MPPED2: variants seen among roughly 807,000 people sequenced by gnomAD.
MPPED2 encodes the protein metallophosphoesterase domain containing 2.
A neutral mutation model predicts 33.0 loss-of-function variants in MPPED2; 5 were observed. That is an observed-to-expected ratio of 0.15 (90% CI 0.08 to 0.32). The LOEUF (loss-of-function observed/expected upper bound fraction) is 0.32. Among genes scored for constraint, MPPED2 ranks in the 10% least tolerant of loss-of-function variants. The pLI, the probability that MPPED2 is intolerant of heterozygous loss-of-function variation, is 1.00. For synonymous variants in MPPED2, 136 were observed against 141.9 expected (o/e 0.96, Z 0.29); for missense variants, 275 against 372.1 (o/e 0.74, Z 2.15).
At chr11:30,401,334 T>C (rs549650399) in intron 6 of MPPED2, among the ~76,000 whole-genome samples, 2 of 152,328 alleles carry the variant, frequency 1.3e-5, no homozygotes, top group South Asian at 4.1e-4. Context: ...GGCCTAACTC[T>C]GGACTGAATC....
chr11:30,544,819 G>GT (rs1483731733), intron 2 of MPPED2, among the ~76,000 whole-genome samples: 1 of 152,220 alleles, frequency 6.6e-6, no homozygotes, highest in Non-Finnish European at 1.5e-5. Context: ...ACACAAGGTA[G>GT]TATGTCGATT....
At chr11:30,511,730 A>C (rs1184758218) in intron 3 of MPPED2, among the ~76,000 whole-genome samples, 1 of 152,232 alleles carries the variant, frequency 6.6e-6, no homozygotes, top group Non-Finnish European at 1.5e-5. Flanking sequence ...AATCATCTAT[A>C]GTTGATTAGC....
intron 4 of MPPED2, among the ~76,000 whole-genome samples, chr11:30,492,749 A>T (rs1952040553): frequency 6.6e-6 from 1 of 152,148 alleles, no homozygotes; most frequent in South Asian, 2.1e-4. Flanking sequence ...TCTGAGGATT[A>T]TAACCACCAA....
At chr11:30,392,014 T>C (rs1015312537) in intron 6 of MPPED2, among the ~76,000 whole-genome samples, 4 of 152,236 alleles carry the variant, frequency 2.6e-5, no homozygotes, top group Admixed American at 6.5e-5. Flanking sequence ...GTAGTACATA[T>C]AACTACTTCA....
intron 2 of MPPED2, among the ~76,000 whole-genome samples, chr11:30,540,700 C>T (rs931655630): frequency 2.0e-5 from 3 of 152,078 alleles, no homozygotes; most frequent in African/African-American, 4.8e-5. Flanking sequence ...ATACTGGGAG[C>T]GGAATCCATG....
intron 3 of MPPED2, among the ~76,000 whole-genome samples, chr11:30,513,882 T>G (rs1324486653): frequency 6.6e-6 from 1 of 151,096 alleles, no homozygotes; most frequent in African/African-American, 2.5e-5. Context: ...GCATGATATT[T>G]TAAAATGCTA....
chr11:30,564,123 C>A (rs528532763), intron 2 of MPPED2, among the ~76,000 whole-genome samples: 1 of 152,296 alleles, frequency 6.6e-6, no homozygotes, highest in Non-Finnish European at 1.5e-5. Context: ...ATGTTTATCT[C>A]TGTGAGTCAC....
intron 4 of MPPED2, among the ~76,000 whole-genome samples, chr11:30,426,685 T>C (rs1356251252): frequency 6.6e-6 from 1 of 152,238 alleles, no homozygotes; most frequent in South Asian, 2.1e-4. Context: ...TAGGTAGCAG[T>C]GCCCTGGACA....
intron 2 of MPPED2, among the ~76,000 whole-genome samples, chr11:30,547,891 A>G (rs990606843): frequency 2.0e-5 from 3 of 152,214 alleles, no homozygotes; most frequent in Non-Finnish European, 2.9e-5. Flanking sequence ...CATTTTTACT[A>G]TCTTGAACCT....
At chr11:30,564,862 A>G (rs780044644) in intron 2 of MPPED2, among the ~76,000 whole-genome samples, 5 of 152,148 alleles carry the variant, frequency 3.3e-5, no homozygotes, top group Admixed American at 6.6e-5. Flanking sequence ...ATGCCCCCCA[A>G]TCTGACTCCA....
At chr11:30,387,853 G>A (rs1007370405) in exon 7 of MPPED2, 2 of 152,248 alleles carry the variant, frequency 1.3e-5, no homozygotes, top group Admixed American at 6.5e-5. Flanking sequence ...CCCAGACCTG[G>A]CCCTTTTAGA....
intron 2 of MPPED2, among the ~76,000 whole-genome samples, chr11:30,542,755 T>C (rs1302908375): frequency 2.0e-5 from 3 of 152,234 alleles, no homozygotes; most frequent in African/African-American, 7.2e-5. Flanking sequence ...TGGAAAACAC[T>C]GATCTGGTTT....
chr11:30,410,363 T>C lies in MPPED2; in HGVS notation c.*1105A>G, dbSNP rs952513222. The C allele has an allele frequency of 3.0e-6, 3 of 985,624 alleles. No homozygotes were observed. The highest frequency in any genetic ancestry group is 1.7e-5 in the African/African-American group (1 of 57,212). 61.1% of individuals were successfully genotyped at this position (985,624 alleles called of 1,614,324 possible). ...GAATAAAGCTCAACAGCATTTACAA[T>C]GGGAAAACAGAAATGACTATTAGCG... On this transcript the variant is annotated 3_prime_UTR_variant, in exon 7 of 7. Coordinates refer to ENST00000358117, the MANE Select transcript of MPPED2 (RefSeq NM_001584.3).
intron 6 of MPPED2, among the ~76,000 whole-genome samples, chr11:30,391,412 G>C (rs1354120818): frequency 6.6e-6 from 1 of 152,150 alleles, no homozygotes; most frequent in Non-Finnish European, 1.5e-5. Context: ...AACGTTATCA[G>C]TTGGTGGGGC....
intron 4 of MPPED2, among the ~76,000 whole-genome samples, chr11:30,440,601 A>G (rs1313125423): frequency 1.3e-5 from 2 of 152,244 alleles, no homozygotes; most frequent in Non-Finnish European, 2.9e-5. Flanking sequence ...GAGAAGCTCA[A>G]TGAGGTTAAC....
intron 6 of MPPED2, among the ~76,000 whole-genome samples, chr11:30,398,599 T>C (rs1410977775): frequency 6.6e-6 from 1 of 152,196 alleles, no homozygotes; most frequent in Non-Finnish European, 1.5e-5. Context: ...TTTCCCTCTC[T>C]GGGCTTCTTG....
At chr11:30,572,071 T>C (rs1457690069) in intron 2 of MPPED2, among the ~76,000 whole-genome samples, 1 of 152,196 alleles carries the variant, frequency 6.6e-6, no homozygotes, top group Admixed American at 6.5e-5. Flanking sequence ...ATGCTTTCTC[T>C]ATGAGTCGTT....
At chr11:30,474,274 A>C (rs2134079539) in intron 4 of MPPED2, among the ~76,000 whole-genome samples, 1 of 152,294 alleles carries the variant, frequency 6.6e-6, no homozygotes, top group East Asian at 1.9e-4. Flanking sequence ...CCTTGGAAAA[A>C]GAGGTTGGAA....
At chr11:30,409,902 C>A (rs1227446895), downstream of MPPED2, among the ~76,000 whole-genome samples, 6 of 152,110 alleles carry the variant, frequency 3.9e-5, no homozygotes, top group African/African-American at 1.2e-4. Context: ...TTTCCCCAAA[C>A]TCACTATCAC....
Sources: gnomAD v4.1 joint callset for allele counts (sites outside exome capture counted in the v4.1 genomes callset) on GRCh38, gnomAD v4.1.1 for gene constraint, MANE v1.5 for transcripts, NCBI Gene and HGNC (gene_info 2026-07-23, HGNC 2026-07-21) for gene names.